Variants in CMA1 observed in about 807,000 individuals in gnomAD.
CMA1 encodes the protein chymase.
Under a neutral mutation model 18.8 loss-of-function variants are expected in CMA1, and 24 were observed. The ratio of observed to expected loss-of-function variants is 1.28; its 90% CI spans 0.92 to 1.80. The LOEUF is 1.80. CMA1 is among the 40% of genes most tolerant of loss of function. CMA1 has a pLI of 0.00. For synonymous variants in CMA1, 152 were observed against 117.0 expected, an observed-to-expected ratio of 1.30 and a Z score of -1.93; for missense variants, 421 against 302.8, an observed-to-expected ratio of 1.39 and a Z score of -2.90.
Position 24,507,466 on chromosome 14 carries a change from G to A in CMA1, c.99C>T (p.Arg33=), listed in dbSNP as rs145340056. Residue 33 remains arginine, a synonymous_variant, in exon 2 of 5, where the codon CGC becomes CGT. Coordinates refer to ENST00000250378, the MANE Select transcript of CMA1 (RefSeq NM_001836.5). ...IGGTECKPHS[R]PYMAYLEIVT... is the part of the protein sequence containing the mutation. ...CAATTTCCAGGTAGGCCATGTAGGGGCGGGAATGTGGCTTGCATTCTGTGC... is the reference window on the plus strand; with the variant it reads ...CAATTTCCAGGTAGGCCATGTAGGGACGGGAATGTGGCTTGCATTCTGTGC... The A allele has an allele frequency of 8.1e-6, 13 of 1,614,192 alleles. No individual in the cohort carries two copies. The Admixed American group carries it at 2.0e-4, about 25-fold the overall frequency.
At chr14:24,507,655 C>T (rs940595001) in intron 1 of CMA1, 149 bp from the exon 2 acceptor site, 30 of 899,006 alleles carry the variant, frequency 3.3e-5, no homozygotes, top group Middle Eastern at 3.5e-4. Flanking sequence ...TCCTGTATTT[C>T]GTATCTTTCC....
chr14:24,506,087 AG>A lies in CMA1; in HGVS notation c.540del (p.Phe181LeufsTer72), dbSNP rs756159421. On this transcript the variant is annotated frameshift_variant, in exon 4 of 5. Coordinates refer to ENST00000250378, the MANE Select transcript of CMA1 (RefSeq NM_001836.5). LOFTEE classifies it high-confidence loss of function. Reference protein sequence around the residue: ...MDPQACSHFRDFDHNLQLCVG... With the variant: ...MDPQACSHFRXFDHNLQLCVG... ...ACACACAGCTGAAGATTGTGGTCAAAGTCTCTGAAGTGGCTGCAGGCCTGGG... is the reference window on the plus strand; with the variant it reads ...ACACACAGCTGAAGATTGTGGTCAAATCTCTGAAGTGGCTGCAGGCCTGGG... 1.2e-6 allele frequency: 2 copies of A among 1,614,220 alleles called. No individual in the cohort carries two copies. Among genetic ancestry groups the A allele is most frequent in the South Asian group, 1.1e-5 (1 of 91,080 alleles).
rs199538202 is a variant in CMA1, at chr14:24,506,314, G to A, written c.346-32C>T. 300 of 1,607,666 alleles carry A rather than the reference G, an allele frequency of 1.9e-4. No homozygotes were observed. In the African/African-American group the frequency reaches 3.1e-3, roughly 17 times the overall value. ...AGGGAATGAAGGACTGTCAGTCCTC[G>A]AAATGGGCTCTGGACAGTTGGAGGT... On this transcript the variant is annotated intron_variant, in intron 3 of 4. Coordinates refer to ENST00000250378, the MANE Select transcript of CMA1 (RefSeq NM_001836.5).
In CMA1 at chr14:24,506,161, T is replaced by C; in HGVS notation, c.467A>G (p.Lys156Arg). 3 of 1,614,176 alleles carry C rather than the reference T, an allele frequency of 1.9e-6. No individual in the cohort carries two copies. The highest frequency in any genetic ancestry group is 2.5e-6 in the Non-Finnish European group (3 of 1,180,028). Residue 156 changes from lysine (K) to arginine (R), a missense_variant, in exon 4 of 5, where the codon AAG becomes AGG. Transcript: ENST00000250378. Reference protein sequence around the residue: ...VAGWGRTGVLKPGSDTLQEVK... With the variant: ...VAGWGRTGVLRPGSDTLQEVK... Reference sequence around the variant, plus strand: ...CTCTTGCAGAGTGTCTGAGCCCGGCTTCAACACACCTGTTCTTCCCCAGCC... The same window carrying C: ...CTCTTGCAGAGTGTCTGAGCCCGGCCTCAACACACCTGTTCTTCCCCAGCC...
At chr14:24,506,389 GA>G in intron 3 of CMA1, 79 bp downstream of exon 3, 3 of 1,596,558 alleles carry the variant, frequency 1.9e-6, no homozygotes, top group Non-Finnish European at 1.7e-6. Context: ...CAAGTCCTAA[GA>G]AAAATTCAGG....
At chr14:24,507,172 C>T (rs1335246242) in intron 2 of CMA1, among the ~76,000 whole-genome samples, 184 bp downstream of exon 2, 1 of 152,148 alleles carries the variant, frequency 6.6e-6, no homozygotes, top group Non-Finnish European at 1.5e-5. Flanking sequence ...GAGCTTAGCT[C>T]ACAGTGACTG....
At chr14:24,505,826 C>T (rs1951133) in intron 4 of CMA1, among the ~76,000 whole-genome samples, 167 bp from the exon 5 acceptor site, 103,884 of 152,072 alleles carry the variant, frequency 0.68, 37,271 homozygotes, top group Non-Finnish European at 0.78. Flanking sequence ...GGACCGTCAT[C>T]CACATTCTCC....
At position 24,505,567 on chromosome 14, in the gene CMA1, G is replaced by T; in HGVS notation, c.693C>A (p.Thr231=). The T allele has an allele frequency of 5.6e-6, 9 of 1,614,064 alleles. No individual in the cohort carries two copies. The highest frequency in any genetic ancestry group is 7.6e-6 in the Non-Finnish European group (9 of 1,180,028). The change falls in exon 5 of 5, where the codon ACC becomes ACA. Residue 231 remains threonine (T), a synonymous_variant. Transcript: ENST00000250378. ...TCCAGGGCCGGTAATGGGAGATTCG[G>T]GTGAAGACAGCAGGGGGCTTTGCAT... ...RSDAKPPAVF[T]RISHYRPWIN...
At chr14:24,505,728 T>A in intron 4 of CMA1, 69 bp from the exon 5 acceptor site, 1 of 1,534,700 alleles carries the variant, frequency 6.5e-7, no homozygotes, top group Non-Finnish European at 8.7e-7. Flanking sequence ...CCAGCCAGCT[T>A]GGAGTCACAG....
intron 2 of CMA1, 144 bp from the exon 3 acceptor site, chr14:24,506,748 T>C: frequency 2.0e-6 from 2 of 1,000,958 alleles, no homozygotes. Flanking sequence ...GGGCCACTTG[T>C]GGCATTTGAG....
rs1444947748 is a variant in CMA1, at chr14:24,505,660, C to T, written c.601-1G>A. On this transcript the variant is annotated splice_acceptor_variant, in intron 4 of 4. Transcript: ENST00000250378. LOFTEE classifies it high-confidence loss of function. ...ACAGAAGAGGGCCCCCAGAGTCTCC[C>T]TGTAGGGGGAGGAGAGAGAGAAGAA... 1 of 1,604,098 alleles carries T rather than the reference C, an allele frequency of 6.2e-7. No individual in the cohort carries two copies. The highest frequency in any genetic ancestry group is 1.7e-5 in the Admixed American group (1 of 58,748).
intron 2 of CMA1, among the ~76,000 whole-genome samples, chr14:24,507,079 C>T (rs1006992161): frequency 1.3e-5 from 2 of 152,134 alleles, no homozygotes; most frequent in Non-Finnish European, 2.9e-5. Context: ...AAAAGTGAGC[C>T]GTGTGTCTTG....
rs202195650 is a variant in CMA1, at chr14:24,507,393, G to T, written c.172C>A (p.Arg58=). ...TGAGCAGCCGTCAGCACAAAGTTCC[G>T]TCTTATAAGGAAACCACCACAAAAT... The part of the protein sequence containing the change: ...SKFCGGFLIR[R]NFVLTAAHCA... The change falls in exon 2 of 5, where the codon CGG becomes AGG. Residue 58 remains arginine, a synonymous_variant. Coordinates refer to ENST00000250378, the MANE Select transcript of CMA1 (RefSeq NM_001836.5). 1.2e-6 allele frequency: 2 copies of T among 1,614,108 alleles called. No individual in the cohort carries two copies. Among genetic ancestry groups the T allele is most frequent in the South Asian group, 1.1e-5 (1 of 91,088 alleles).
At position 24,507,441 on chromosome 14, in the gene CMA1, C is replaced by A. The variant is rs368187838; in HGVS notation, c.124G>T (p.Val42Leu). ...AATTTTGAGGGACCGTTGGAAGTTA[C>A]AATTTCCAGGTAGGCCATGTAGGGG... ...SRPYMAYLEI[V>L]TSNGPSKFCG... The change falls in exon 2 of 5, where the codon GTA becomes TTA. Residue 42 changes from valine (V) to leucine (L), a missense_variant. Val to Leu is a conservative substitution (Grantham distance 32). Coordinates refer to ENST00000250378, the MANE Select transcript of CMA1 (RefSeq NM_001836.5). 4 of 1,614,198 alleles carry A rather than the reference C, an allele frequency of 2.5e-6. No individual in the cohort carries two copies. Among genetic ancestry groups the A allele is most frequent in the Non-Finnish European group, 8.5e-7 (1 of 1,180,024 alleles).
chr14:24,505,471 A>C lies in CMA1; in HGVS notation c.*45T>G. ...ATGAGTGGCACACACTTTGCTGCTC[A>C]GGTCCAGTTCCAGCTTCCCTTTCAG... On this transcript the variant is annotated 3_prime_UTR_variant, in exon 5 of 5. Coordinates refer to ENST00000250378, the MANE Select transcript of CMA1 (RefSeq NM_001836.5). 6.2e-7 allele frequency: 1 copy of C among 1,613,268 alleles called. No homozygotes were observed. The highest frequency in any genetic ancestry group is 8.5e-7 in the Non-Finnish European group (1 of 1,179,616).
chr14:24,507,424 G>C lies in CMA1; in HGVS notation c.141C>G (p.Pro47=), dbSNP rs1023375757. 6.2e-7 allele frequency: 1 copy of C among 1,614,068 alleles called. No homozygotes were observed. Among genetic ancestry groups the C allele is most frequent in the Admixed American group, 1.7e-5 (1 of 60,000 alleles). Residue 47 remains proline (P), a synonymous_variant, in exon 2 of 5, where the codon CCC becomes CCG. Coordinates refer to ENST00000250378, the MANE Select transcript of CMA1 (RefSeq NM_001836.5). The stretch of plus-strand genomic sequence containing the variant: ...TAAGGAAACCACCACAAAATTTTGA[G>C]GGACCGTTGGAAGTTACAATTTCCA... The part of the protein sequence containing the change: ...AYLEIVTSNG[P]SKFCGGFLIR...
In CMA1 at chr14:24,506,569, G is replaced by T. The variant is rs759795995; in HGVS notation, c.245C>A (p.Thr82Lys). 1.9e-6 allele frequency: 3 copies of T among 1,614,022 alleles called. No individual in the cohort carries two copies. Among genetic ancestry groups the T allele is most frequent in the Non-Finnish European group, 2.5e-6 (3 of 1,179,968 alleles). ...CTTCTGCCATGTGTCTTCTTCCTCTGTTATGTTATGGGCTCCAAGGGTGAC... is the reference window on the plus strand; with the variant it reads ...CTTCTGCCATGTGTCTTCTTCCTCTTTTATGTTATGGGCTCCAAGGGTGAC... ...ITVTLGAHNI[T>K]EEEDTWQKLE... The change falls in exon 3 of 5, where the codon ACA becomes AAA. Residue 82 changes from threonine to lysine, a missense_variant. By Grantham distance (78) the Thr-to-Lys change is moderately conservative (BLOSUM62 -1). Coordinates refer to ENST00000250378, the MANE Select transcript of CMA1 (RefSeq NM_001836.5).
Position 24,505,550 on chromosome 14 carries a change from C to A in CMA1, c.710G>T (p.Arg237Leu). The A allele has an allele frequency of 6.2e-7, 1 of 1,613,958 alleles. No individual in the cohort carries two copies. ...PAVFTRISHY[R>L]PWINQILQAN is the part of the protein sequence containing the mutation. ...CTGCAGGATCTGGTTGATCCAGGGC[C>A]GGTAATGGGAGATTCGGGTGAAGAC... Residue 237 changes from arginine to leucine, a missense_variant, in exon 5 of 5, where the codon CGG becomes CTG. Transcript: ENST00000250378.
intron 1 of CMA1, 74 bp downstream of exon 1, chr14:24,508,104 C>A: frequency 7.2e-7 from 1 of 1,393,282 alleles, no homozygotes; most frequent in South Asian, 1.2e-5. Flanking sequence ...TAGGAGTCAG[C>A]TATTTTCAGA....
Sources: allele counts gnomAD v4.1 joint callset (sites outside exome capture counted in the v4.1 genomes callset), GRCh38; gene constraint gnomAD v4.1.1; transcripts MANE v1.5; gene names NCBI Gene and HGNC (gene_info 2026-07-23, HGNC 2026-07-21).